The following CEMIP variants were observed in gnomAD, a reference collection of about 807,000 sequenced individuals.
CEMIP encodes cell migration-inducing and hyaluronan-binding protein.
CEMIP carries 105 observed loss-of-function variants against 156.9 expected under a neutral mutation model. That is an observed-to-expected ratio of 0.67 (90% confidence interval 0.57 to 0.79). CEMIP has a LOEUF of 0.79. Among genes scored for constraint, CEMIP ranks in the 30% least tolerant of loss-of-function variants. The pLI is 0.00. For synonymous variants in CEMIP, 676 were observed against 668.4 expected (o/e 1.01, Z -0.17); for missense variants, 1,457 against 1,769.4 (o/e 0.82, Z 3.17).
rs1302610593 is a variant in CEMIP, at chr15:80,942,030, A to C, written c.3589A>C (p.Lys1197Gln). ...GGCTGTCGTAGACGTGCCGATGCCC[A>C]AGAAGCTCTTTGGTTCTCAGCTGGT... Reference protein sequence around the residue: ...ERAVVDVPMPKKLFGSQLKTK... With the variant: ...ERAVVDVPMPQKLFGSQLKTK... Residue 1197 changes from lysine to glutamine, a missense_variant, in exon 26 of 30, where the codon AAG becomes CAG. By Grantham distance (53) the Lys-to-Gln change is moderately conservative (BLOSUM62 1). Transcript: ENST00000394685. The C allele has an allele frequency of 1.9e-6, 3 of 1,612,944 alleles. No homozygotes were observed. The highest frequency in any genetic ancestry group is 2.5e-6 in the Non-Finnish European group (3 of 1,179,802).
chr15:80,810,803 ACCATCCATCCAT>A (rs59025609), intron 1 of CEMIP, among the ~76,000 whole-genome samples: 122 of 149,406 alleles, frequency 8.2e-4, no homozygotes, highest in African/African-American at 2.7e-3. Context: ...TATCCATTCA[ACCATCCATCCAT>A]CCATCCATCC....
chr15:80,935,840 G>A (rs1194905639), intron 23 of CEMIP, among the ~76,000 whole-genome samples: 1 of 152,148 alleles, frequency 6.6e-6, no homozygotes, highest in East Asian at 1.9e-4. Context: ...CCAGGTTCAA[G>A]CGATTCTCCT....
chr15:80,870,007 T>C (rs535271252), intron 1 of CEMIP, among the ~76,000 whole-genome samples: 1 of 152,280 alleles, frequency 6.6e-6, no homozygotes, highest in South Asian at 2.1e-4. Context: ...TGACCACGGG[T>C]CACAGTGTCT....
At position 80,949,123 on chromosome 15, in the gene CEMIP, C is replaced by A; in HGVS notation, c.*199C>A. The A allele has an allele frequency of 1.4e-6, 1 of 698,970 alleles. No individual in the cohort carries two copies. The highest frequency in any genetic ancestry group is 2.2e-5 in the Admixed American group (1 of 44,706). The allele number at this position is 698,970 out of a possible 1,614,324, so 43.3% of individuals were successfully genotyped here. ...CCCCTACTCAAGTGTCTACCTGGAG[C>A]CCCTGGGGCGGTGCTGGCCAATGCT... On this transcript the variant is annotated 3_prime_UTR_variant, in exon 30 of 30. Coordinates refer to ENST00000394685, the MANE Select transcript of CEMIP (RefSeq NM_001293298.2).
At chr15:80,808,463 A>G (rs976218986) in intron 1 of CEMIP, among the ~76,000 whole-genome samples, 1 of 152,250 alleles carries the variant, frequency 6.6e-6, no homozygotes, top group East Asian at 1.9e-4. Flanking sequence ...AGCAGCACCC[A>G]TAGAGCTGAC....
intron 1 of CEMIP, among the ~76,000 whole-genome samples, chr15:80,845,430 CA>C (rs1321343153): frequency 6.6e-6 from 1 of 152,000 alleles, no homozygotes; most frequent in Admixed American, 6.5e-5. Context: ...GACCCTATTT[CA>C]AAAAAAGTAC....
chr15:80,937,995 C>T lies in CEMIP; in HGVS notation c.3407+16C>T. The T allele has an allele frequency of 6.2e-7, 1 of 1,609,332 alleles. No individual in the cohort carries two copies. Among genetic ancestry groups the T allele is most frequent in the Non-Finnish European group, 8.5e-7 (1 of 1,177,378 alleles). ...AGGACTCAGGGTGAGCAGGCGCCCA[C>T]TTGGCTGCAGGAAAGTGGCTCAACC... is the stretch of plus-strand genomic sequence containing the variant. On this transcript the variant is annotated intron_variant, in intron 25 of 29. Transcript: ENST00000394685.
intron 1 of CEMIP, among the ~76,000 whole-genome samples, chr15:80,803,054 G>T (rs7169588): frequency 6.6e-6 from 1 of 152,094 alleles, no homozygotes; most frequent in South Asian, 2.1e-4. Context: ...GCTCTGGAGG[G>T]CTCCTAAACA....
chr15:80,798,233 A>G (rs539742384), intron 1 of CEMIP, among the ~76,000 whole-genome samples: 1 of 152,184 alleles, frequency 6.6e-6, no homozygotes, highest in Non-Finnish European at 1.5e-5. Flanking sequence ...ATTACTGTAT[A>G]TTTTTTACAT....
intron 1 of CEMIP, among the ~76,000 whole-genome samples, chr15:80,799,792 C>A (rs1226692504): frequency 6.6e-6 from 1 of 152,086 alleles, no homozygotes; most frequent in African/African-American, 2.4e-5. Context: ...AACCAGAGGT[C>A]TTCATCTTAA....
At chr15:80,856,951 A>G (rs59006692) in intron 1 of CEMIP, among the ~76,000 whole-genome samples, 5,419 of 152,292 alleles carry the variant, frequency 0.036, 322 homozygotes, top group African/African-American at 0.12. Context: ...AAACAGGCCT[A>G]TGCGTTAGAA....
intron 23 of CEMIP, 106 bp downstream of exon 23, chr15:80,933,566 T>G (rs193265211): frequency 1.2e-6 from 1 of 841,730 alleles, no homozygotes; most frequent in Non-Finnish European, 1.8e-6. Context: ...CAGAAAGAGA[T>G]ACAGAATTTT....
chr15:80,781,366 C>T (rs898999143), intron 1 of CEMIP, among the ~76,000 whole-genome samples: 1 of 152,166 alleles, frequency 6.6e-6, no homozygotes, highest in Non-Finnish European at 1.5e-5. Context: ...TTGTTCAAAG[C>T]CCATGACTTT....
At chr15:80,825,615 C>A (rs1447028980) in intron 1 of CEMIP, among the ~76,000 whole-genome samples, 1 of 152,220 alleles carries the variant, frequency 6.6e-6, no homozygotes, top group Non-Finnish European at 1.5e-5. Flanking sequence ...AACAAGTAAG[C>A]AAAGCCATTG....
intron 1 of CEMIP, among the ~76,000 whole-genome samples, chr15:80,834,018 G>A (rs1325179292): frequency 1.3e-5 from 2 of 152,042 alleles, no homozygotes; most frequent in African/African-American, 2.4e-5. Flanking sequence ...TTGTTTTGGC[G>A]GGCTATTCTG....
At chr15:80,929,299 T>A (rs544532607) in intron 21 of CEMIP, 125 bp downstream of exon 21, 1 of 1,204,904 alleles carries the variant, frequency 8.3e-7, no homozygotes, top group South Asian at 1.2e-5. Context: ...GCCAGAGGAA[T>A]CACTGAGGTG....
intron 1 of CEMIP, among the ~76,000 whole-genome samples, chr15:80,839,847 A>G (rs150913854): frequency 1.1e-4 from 16 of 152,304 alleles, no homozygotes; most frequent in African/African-American, 3.8e-4. Flanking sequence ...GTCCCAGGCA[A>G]AGTGCTAGAC....
At chr15:80,849,322 A>C (rs920661316) in intron 1 of CEMIP, among the ~76,000 whole-genome samples, 4 of 151,824 alleles carry the variant, frequency 2.6e-5, no homozygotes, top group Admixed American at 1.3e-4. Flanking sequence ...CTCTCTCTTG[A>C]TCTCCGGACT....
chr15:80,831,613 A>T (rs192566931), intron 1 of CEMIP, among the ~76,000 whole-genome samples: 3 of 152,084 alleles, frequency 2.0e-5, no homozygotes, highest in Admixed American at 6.5e-5. Flanking sequence ...ACTGGGTCCC[A>T]CGTGGAGATA....
Sources: allele counts gnomAD v4.1 joint callset (sites outside exome capture counted in the v4.1 genomes callset), GRCh38; gene constraint gnomAD v4.1.1; transcripts MANE v1.5; gene names NCBI Gene and HGNC (gene_info 2026-07-23, HGNC 2026-07-21).